The following USHBP1 variants were observed in gnomAD, a reference collection of about 807,000 sequenced individuals.
USHBP1 encodes USH1 protein network component harmonin binding protein 1.
A neutral mutation model predicts 76.2 loss-of-function variants in USHBP1; 67 were observed. That is an observed-to-expected ratio of 0.88 (90% CI 0.72 to 1.08). The LOEUF (loss-of-function observed/expected upper bound fraction) is 1.08. Ranked by LOEUF, USHBP1 falls within the 50% of genes least tolerant of loss-of-function variation. USHBP1 has a pLI of 0.00. For synonymous variants in USHBP1, 322 were observed against 362.2 expected (o/e 0.89, Z 1.26); for missense variants, 931 against 915.0 (o/e 1.02, Z -0.23).
intron 3 of USHBP1, chr19:17,263,379 G>C (rs922634238): frequency 5.8e-6 from 1 of 171,232 alleles, no homozygotes; most frequent in African/African-American, 2.4e-5. Context: ...ATGGTCTTGG[G>C]GAGGTGTGAG....
chr19:17,255,888 C>A (rs2073613479), intron 9 of USHBP1, among the ~76,000 whole-genome samples: 1 of 152,162 alleles, frequency 6.6e-6, no homozygotes, highest in Admixed American at 6.5e-5. Flanking sequence ...GTAATCCCAG[C>A]TACTTGGGAG....
chr19:17,255,962 G>A (rs965361642), intron 9 of USHBP1, among the ~76,000 whole-genome samples: 5 of 151,760 alleles, frequency 3.3e-5, no homozygotes, highest in African/African-American at 4.8e-5. Flanking sequence ...CCAAGATAGC[G>A]CCACAGCACT....
chr19:17,253,663 C>T (rs1450150296), intron 10 of USHBP1, among the ~76,000 whole-genome samples: 3 of 149,450 alleles, frequency 2.0e-5, no homozygotes, highest in African/African-American at 7.3e-5. Context: ...GAGGCCGAGA[C>T]GGGCGGATCA....
At position 17,264,724 on chromosome 19, in the gene USHBP1, T is replaced by C; in HGVS notation, c.-102A>G. On this transcript the variant is annotated 5_prime_UTR_variant, in exon 1 of 13. Transcript: ENST00000252597. ...CAGAGGCCTGAGTCCCGGGACACTC[T>C]GTTGGGGTCACTCTGACCACTGCCT... is the stretch of plus-strand genomic sequence containing the variant. 5.3e-6 allele frequency: 1 copy of C among 188,684 alleles called. No individual in the cohort carries two copies. Among genetic ancestry groups the C allele is most frequent in the South Asian group, 1.0e-4 (1 of 9,730 alleles). The allele number at this position is 188,684 out of a possible 1,614,324, so 11.7% of individuals were successfully genotyped here. A position where few individuals can be genotyped will look rare whatever the true frequency, so the allele number is the denominator to read the frequency against.
At chr19:17,250,703 AC>A (rs1181453555) in intron 12 of USHBP1, among the ~76,000 whole-genome samples, 3 of 151,424 alleles carry the variant, frequency 2.0e-5, no homozygotes, top group African/African-American at 7.3e-5. Flanking sequence ...GGCGCCCACC[AC>A]CACGCCCAGC....
intron 7 of USHBP1, 40 bp from the exon 8 acceptor site, chr19:17,258,425 T>A (rs2073647938): frequency 1.3e-6 from 2 of 1,589,314 alleles, no homozygotes; most frequent in Admixed American, 1.7e-5. Flanking sequence ...GACACTCAGC[T>A]CGGCTGGGTG....
chr19:17,256,791 G>C, intron 8 of USHBP1, 71 bp from the exon 9 acceptor site: 1 of 1,599,908 alleles, frequency 6.3e-7, no homozygotes, highest in Non-Finnish European at 8.5e-7. Flanking sequence ...TGCCAATCCT[G>C]GTAGGGTCCA....
chr19:17,250,834 G>A (rs556824030), intron 12 of USHBP1, among the ~76,000 whole-genome samples: 18 of 152,080 alleles, frequency 1.2e-4, no homozygotes, highest in African/African-American at 3.9e-4. Context: ...GATTACAGGC[G>A]TGAGCCACCA....
rs2073732177 is a variant in USHBP1, at chr19:17,264,726, T to A, written c.-104A>T. 1 of 188,036 alleles carries A rather than the reference T, an allele frequency of 5.3e-6. No homozygotes were observed. 11.6% of individuals were successfully genotyped at this position (188,036 alleles called of 1,614,324 possible). A position where few individuals can be genotyped will look rare whatever the true frequency, so the allele number is the denominator to read the frequency against. The stretch of plus-strand genomic sequence containing the variant: ...GAGGCCTGAGTCCCGGGACACTCTG[T>A]TGGGGTCACTCTGACCACTGCCTGT... On this transcript the variant is annotated 5_prime_UTR_variant, in exon 1 of 13. Transcript: ENST00000252597.
chr19:17,255,576 G>GC lies in USHBP1; in HGVS notation c.1500dup (p.Gln501AlafsTer6), dbSNP rs2073609426. On this transcript the variant is annotated frameshift_variant, in exon 10 of 13. Transcript: ENST00000252597. LOFTEE classifies it high-confidence loss of function. ...CCCCGCTTCTCACGCCGCACCAGCT[G>GC]CAGCCGAAGCATCAGGTCCGCCAGG... 1 of 1,612,266 alleles carries GC rather than the reference G, an allele frequency of 6.2e-7. No homozygotes were observed. Among genetic ancestry groups the GC allele is most frequent in the African/African-American group, 1.3e-5 (1 of 74,934 alleles).
At chr19:17,262,515 C>A in intron 4 of USHBP1, 37 bp downstream of exon 4, 1 of 1,565,426 alleles carries the variant, frequency 6.4e-7, no homozygotes. Flanking sequence ...CTCCCTCAGA[C>A]AGAGAGCCAC....
At position 17,262,924 on chromosome 19, in the gene USHBP1, T is replaced by C; in HGVS notation, c.270A>G (p.Lys90=). The change falls in exon 4 of 13, where the codon AAA becomes AAG. Residue 90 remains lysine (K), a synonymous_variant. Coordinates refer to ENST00000252597, the MANE Select transcript of USHBP1 (RefSeq NM_031941.4). ...ELASAPEVPH[K]PAVEAHQAPE... ...GGGCTTGGTGGGCTTCCACTGCAGG[T>C]TTGTGGGGCACTTCGGGGGCTGAGG... The C allele has an allele frequency of 6.4e-7, 1 of 1,560,162 alleles. No individual in the cohort carries two copies.
rs1325364470 is a variant in USHBP1, at chr19:17,251,785, G to T, written c.1800-81C>A. Reference sequence around the variant, plus strand: ...GTCTCCTCCTACCCACCTGCCCACAGTATTGTCATGTAAACACACCTGTAC... The same window carrying T: ...GTCTCCTCCTACCCACCTGCCCACATTATTGTCATGTAAACACACCTGTAC... On this transcript the variant is annotated intron_variant, in intron 11 of 12. Coordinates refer to ENST00000252597, the MANE Select transcript of USHBP1 (RefSeq NM_031941.4). 13 of 1,595,840 alleles carry T rather than the reference G, an allele frequency of 8.1e-6. No homozygotes were observed. In the East Asian group the frequency reaches 2.9e-4, roughly 36 times the overall value.
intron 6 of USHBP1, 40 bp downstream of exon 6, chr19:17,259,556 G>A: frequency 6.2e-7 from 1 of 1,601,724 alleles, no homozygotes; most frequent in Non-Finnish European, 8.5e-7. Flanking sequence ...GTTGGAGGAG[G>A]TGCCTGTGCC....
intron 5 of USHBP1, 29 bp downstream of exon 5, chr19:17,259,868 G>A (rs1373921861): frequency 3.7e-6 from 6 of 1,605,734 alleles, no homozygotes; most frequent in Non-Finnish European, 4.3e-6. Flanking sequence ...AGGACATCAA[G>A]ACCATGGGAT....
At chr19:17,253,113 C>T (rs1426302259) in intron 10 of USHBP1, among the ~76,000 whole-genome samples, 3 of 151,362 alleles carry the variant, frequency 2.0e-5, no homozygotes, top group Non-Finnish European at 4.4e-5. Context: ...GGACTACAGG[C>T]GCCCGCCACC....
chr19:17,262,721 C>A lies in USHBP1; in HGVS notation c.473G>T (p.Gly158Val), dbSNP rs375725799. Residue 158 changes from glycine to valine, a missense_variant, in exon 4 of 13, where the codon GGT (glycine) becomes GTT (valine). By Grantham distance (109) the Gly-to-Val change is moderately radical. Transcript: ENST00000252597. ...EFEGTSEGGA[G>V]SLGKQEGAGS... ...TGCCCCTTCCTGCTTCCCAAGGGAA[C>A]CTGCTCCCCCTTCGCTTGTGCCTTC... The A allele has an allele frequency of 3.7e-5, 60 of 1,614,116 alleles. 1 individual carries two copies. The highest frequency in any genetic ancestry group is 3.5e-4 in the South Asian group (32 of 91,094).
At chr19:17,263,597 C>A (rs1455621545) in intron 3 of USHBP1, 1 of 165,756 alleles carries the variant, frequency 6.0e-6, no homozygotes, top group South Asian at 1.8e-4. Context: ...GAAATAGGGT[C>A]TTCTGGGGCG....
chr19:17,249,245 T>C lies in USHBP1; in HGVS notation c.*980A>G, dbSNP rs2073523031. On this transcript the variant is annotated 3_prime_UTR_variant, in exon 13 of 13. Coordinates refer to ENST00000252597, the MANE Select transcript of USHBP1 (RefSeq NM_031941.4). ...CTCTTATTGCCCGGGCACGATCTTG[T>C]TGTTGGCGCGATCTCGGTTCACTGC... 6.6e-6 allele frequency: 1 copy of C among 152,068 alleles called. No individual in the cohort carries two copies. Among genetic ancestry groups the C allele is most frequent in the South Asian group, 2.1e-4 (1 of 4,828 alleles). 9.4% of individuals were successfully genotyped at this position (152,068 alleles called of 1,614,324 possible).
Sources: allele counts gnomAD v4.1 joint callset (sites outside exome capture counted in the v4.1 genomes callset), GRCh38; gene constraint gnomAD v4.1.1; transcripts MANE v1.5; gene names NCBI Gene and HGNC (gene_info 2026-07-23, HGNC 2026-07-21).